Variants in PLXNA2 observed in about 807,000 individuals in gnomAD.
PLXNA2 encodes the protein plexin A2, also known as plexin-A2.
Under a neutral mutation model 193.5 loss-of-function variants are expected in PLXNA2, and 91 were observed. The observed-to-expected ratio is 0.47, with a 90% confidence interval of 0.40 to 0.56. The LOEUF (loss-of-function observed/expected upper bound fraction) is 0.56, where lower values mean the gene tolerates loss of function less well. Ranked by LOEUF, PLXNA2 falls within the 20% of genes least tolerant of loss-of-function variation. The probability of loss-of-function intolerance (pLI) is 0.00; values close to 1 mark genes in which losing one functional copy is unlikely to be tolerated. For synonymous variants in PLXNA2, 997 were observed against 1,027.3 expected (o/e 0.97, Z 0.56); for missense variants, 1,995 against 2,503.2 (o/e 0.80, Z 4.33).
At position 208,051,288 on chromosome 1, in the gene PLXNA2, G is replaced by A; in HGVS notation, c.3129C>T (p.Val1043=). 6.2e-7 allele frequency: 1 copy of A among 1,612,088 alleles called. No individual in the cohort carries two copies. The highest frequency in any genetic ancestry group is 8.5e-7 in the Non-Finnish European group (1 of 1,178,958). The change falls in exon 16 of 32, where the codon GTC becomes GTT. Residue 1043 remains valine (V), a synonymous_variant. Coordinates refer to ENST00000367033, the MANE Select transcript of PLXNA2 (RefSeq NM_025179.4). ...LQFEYIDDPR[V]QRIEPEWSIA... The stretch of plus-strand genomic sequence containing the variant: ...TGCTCCACTCTGGCTCGATGCGCTG[G>A]ACCCGAGGGTCATCTATGTACTCAA...
At chr1:208,123,334 T>C (rs1358691643) in intron 4 of PLXNA2, among the ~76,000 whole-genome samples, 1 of 152,196 alleles carries the variant, frequency 6.6e-6, no homozygotes, top group Non-Finnish European at 1.5e-5. Flanking sequence ...ATGGAAACTG[T>C]CCCACTGTTC....
At chr1:208,231,050 T>A (rs1047731439) in intron 1 of PLXNA2, among the ~76,000 whole-genome samples, 4 of 152,106 alleles carry the variant, frequency 2.6e-5, no homozygotes, top group Non-Finnish European at 5.9e-5. Flanking sequence ...AGTCCCTTGG[T>A]GAAGGAGCAC....
chr1:208,157,865 T>C (rs1184467892), intron 3 of PLXNA2, among the ~76,000 whole-genome samples: 1 of 152,230 alleles, frequency 6.6e-6, no homozygotes, highest in Non-Finnish European at 1.5e-5. Context: ...CAAGAGATTC[T>C]TCTCATAGGA....
chr1:208,105,070 A>C (rs1402496480), intron 4 of PLXNA2, among the ~76,000 whole-genome samples: 3 of 152,228 alleles, frequency 2.0e-5, no homozygotes, highest in Non-Finnish European at 2.9e-5. Flanking sequence ...CAGGGTCGAG[A>C]GAAGCCACCC....
intron 1 of PLXNA2, among the ~76,000 whole-genome samples, chr1:208,222,463 A>C (rs549197789): frequency 6.6e-6 from 1 of 152,312 alleles, no homozygotes; most frequent in South Asian, 2.1e-4. Context: ...GATGCCAAGG[A>C]GAGGCCACGC....
intron 1 of PLXNA2, among the ~76,000 whole-genome samples, chr1:208,222,742 G>A (rs577865249): frequency 1.1e-4 from 17 of 152,280 alleles, no homozygotes; most frequent in African/African-American, 3.9e-4. Flanking sequence ...ATGCCTCTAC[G>A]TTTCCACTTG....
intron 4 of PLXNA2, among the ~76,000 whole-genome samples, chr1:208,132,127 C>T (rs1192208442): frequency 6.6e-6 from 1 of 152,206 alleles, no homozygotes; most frequent in African/African-American, 2.4e-5. Flanking sequence ...TGACCACCTG[C>T]AGAGGCATTT....
chr1:208,240,166 C>T (rs1216176122), intron 1 of PLXNA2, among the ~76,000 whole-genome samples: 1 of 152,224 alleles, frequency 6.6e-6, no homozygotes, highest in African/African-American at 2.4e-5. Context: ...ACCCTGCTCC[C>T]CAACAAAGAA....
intron 4 of PLXNA2, among the ~76,000 whole-genome samples, chr1:208,140,514 T>C (rs1437592152): frequency 1.3e-5 from 2 of 152,184 alleles, no homozygotes; most frequent in African/African-American, 4.8e-5. Context: ...AAACATTGCA[T>C]AAAATGTGAG....
chr1:208,184,732 G>A (rs1419171692), intron 3 of PLXNA2, among the ~76,000 whole-genome samples: 2 of 152,036 alleles, frequency 1.3e-5, no homozygotes, highest in African/African-American at 4.8e-5. Context: ...CGCTGGTGCA[G>A]AGAAATCACA....
At chr1:208,091,298 T>C (rs1158122843) in intron 9 of PLXNA2, among the ~76,000 whole-genome samples, 2 of 152,178 alleles carry the variant, frequency 1.3e-5, no homozygotes, top group Admixed American at 6.5e-5. Context: ...GGGTATGTGT[T>C]TGAGAAACCT....
At chr1:208,126,783 C>T (rs11118991) in intron 4 of PLXNA2, among the ~76,000 whole-genome samples, 30,240 of 151,968 alleles carry the variant, frequency 0.2, 3,369 homozygotes, top group Admixed American at 0.3. Context: ...ATCTTCCTGC[C>T]TGCCCTGCCT....
At chr1:208,230,666 C>T (rs11586367) in intron 1 of PLXNA2, among the ~76,000 whole-genome samples, 28,373 of 152,246 alleles carry the variant, frequency 0.19, 2,965 homozygotes, top group Non-Finnish European at 0.24. Context: ...CTCTCTAGTG[C>T]TTTTCTGAAC....
intron 4 of PLXNA2, among the ~76,000 whole-genome samples, chr1:208,127,085 G>A: frequency 6.6e-6 from 1 of 152,242 alleles, no homozygotes; most frequent in Non-Finnish European, 1.5e-5. Context: ...ACTTGCACAA[G>A]AGGCTTTTAA....
In PLXNA2 at chr1:208,044,769, C is replaced by G. The variant is rs1278298574; in HGVS notation, c.3640-27G>C. 1 of 1,556,686 alleles carries G rather than the reference C, an allele frequency of 6.4e-7. No homozygotes were observed. On this transcript the variant is annotated intron_variant, in intron 19 of 31. Transcript: ENST00000367033. The surrounding 1 kb of genome is among the most constrained non-coding windows in gnomAD (Gnocchi z 4.9). The stretch of plus-strand genomic sequence containing the variant: ...TGTGCATTGTACACATACAGACGCA[C>G]ATGGATGCACACAGGTGTAGAGCCC...
intron 1 of PLXNA2, among the ~76,000 whole-genome samples, chr1:208,229,190 T>C (rs1261190323): frequency 6.6e-6 from 1 of 152,140 alleles, no homozygotes; most frequent in East Asian, 1.9e-4. Flanking sequence ...AAACTGCTAG[T>C]TTTTAATTGA....
intron 3 of PLXNA2, among the ~76,000 whole-genome samples, chr1:208,200,499 C>T (rs1200319266): frequency 2.0e-5 from 3 of 151,798 alleles, no homozygotes; most frequent in African/African-American, 7.2e-5. Flanking sequence ...TGATTTACAA[C>T]TTGACCCCAA....
intron 13 of PLXNA2, 97 bp from the exon 14 acceptor site, chr1:208,054,635 T>C: frequency 1.2e-6 from 1 of 832,236 alleles, no homozygotes; most frequent in Non-Finnish European, 2.0e-6. Context: ...CATCACAGTC[T>C]TGCAATAATG....
chr1:208,154,678 T>C (rs528929538), intron 3 of PLXNA2, among the ~76,000 whole-genome samples: 3 of 152,170 alleles, frequency 2.0e-5, no homozygotes, highest in African/African-American at 4.8e-5. Context: ...TCTTCATAGA[T>C]TTTTTTTGAT....
Sources: allele counts gnomAD v4.1 joint callset (sites outside exome capture counted in the v4.1 genomes callset), GRCh38; gene constraint gnomAD v4.1.1; non-coding constraint Gnocchi (gnomAD v3.1); transcripts MANE v1.5; gene names NCBI Gene and HGNC (gene_info 2026-07-23, HGNC 2026-07-21).